The following PID1 variants were observed in gnomAD, a reference collection of about 807,000 sequenced individuals.
The protein encoded by PID1 is phosphotyrosine interaction domain containing 1.
PID1 carries 10 observed loss-of-function variants against 19.1 expected under a neutral mutation model. That is an observed-to-expected ratio of 0.52 (90% CI 0.32 to 0.89). The LOEUF (loss-of-function observed/expected upper bound fraction) is 0.89. PID1 is among the 40% of genes least tolerant of loss of function. The probability of loss-of-function intolerance (pLI) is 0.03; values close to 1 mark genes in which losing one functional copy is unlikely to be tolerated. For missense variants in PID1, 248 were observed against 285.3 expected (o/e 0.87, Z 0.94); for synonymous variants, 130 against 116.0 (o/e 1.12, Z -0.78).
chr2:229,106,020 AGT>A (rs1162895351), intron 2 of PID1, among the ~76,000 whole-genome samples: 1 of 147,766 alleles, frequency 6.8e-6, no homozygotes, highest in Non-Finnish European at 1.5e-5. Flanking sequence ...TGGAGCTTGC[AGT>A]GAGCTGAGAT....
At chr2:229,081,346 A>G (rs1694665520) in intron 2 of PID1, among the ~76,000 whole-genome samples, 1 of 152,242 alleles carries the variant, frequency 6.6e-6, no homozygotes, top group Non-Finnish European at 1.5e-5. Flanking sequence ...AAATATCTAA[A>G]GACATAATGA....
At chr2:229,059,955 T>A (rs772491504) in intron 2 of PID1, among the ~76,000 whole-genome samples, 2 of 152,116 alleles carry the variant, frequency 1.3e-5, no homozygotes, top group Non-Finnish European at 2.9e-5. Context: ...TCAGGTCCTA[T>A]TTTTTCCCAC....
intron 1 of PID1, among the ~76,000 whole-genome samples, chr2:229,185,046 G>C (rs372299758): frequency 1.2e-5 from 1 of 85,186 alleles, no homozygotes; most frequent in Non-Finnish European, 2.4e-5. Context: ...CTATATATAT[G>C]CTACATATAT....
intron 1 of PID1, among the ~76,000 whole-genome samples, chr2:229,228,734 G>GT (rs11436852): frequency 0.54 from 81,761 of 151,300 alleles, 22,688 homozygotes; most frequent in African/African-American, 0.63. Flanking sequence ...TAAACAAAAA[G>GT]GTATCTGCTA....
chr2:229,150,172 G>T (rs1690220422), intron 2 of PID1, among the ~76,000 whole-genome samples: 1 of 150,846 alleles, frequency 6.6e-6, no homozygotes, highest in Non-Finnish European at 1.5e-5. Flanking sequence ...AGGTGGAAAG[G>T]TTGCAGTGAG....
At chr2:229,227,039 CTT>C (rs1692092968) in intron 1 of PID1, among the ~76,000 whole-genome samples, 2 of 152,126 alleles carry the variant, frequency 1.3e-5, no homozygotes, top group Non-Finnish European at 2.9e-5. Flanking sequence ...TTCTGGTTGA[CTT>C]TGTGAAGAAA....
At chr2:229,170,209 T>G (rs971159805) in intron 1 of PID1, among the ~76,000 whole-genome samples, 1 of 151,938 alleles carries the variant, frequency 6.6e-6, no homozygotes, top group Non-Finnish European at 1.5e-5. Context: ...TAAATATGTG[T>G]GTGTATGTGT....
intron 2 of PID1, among the ~76,000 whole-genome samples, chr2:229,149,614 A>C (rs1374158437): frequency 6.6e-6 from 1 of 152,190 alleles, no homozygotes; most frequent in African/African-American, 2.4e-5. Context: ...GGAATCTCAA[A>C]AAAGGCAATA....
chr2:229,068,912 T>C (rs1237190760), intron 2 of PID1, among the ~76,000 whole-genome samples: 3 of 152,226 alleles, frequency 2.0e-5, no homozygotes, highest in South Asian at 2.1e-4. Context: ...GTAAACACTT[T>C]CCACGATGTG....
At chr2:229,111,635 T>C (rs1695300380) in intron 2 of PID1, among the ~76,000 whole-genome samples, 1 of 152,172 alleles carries the variant, frequency 6.6e-6, no homozygotes, top group African/African-American at 2.4e-5. Flanking sequence ...TACTTGTCTT[T>C]TTTTCTATAC....
chr2:229,061,580 A>G (rs4513279), intron 2 of PID1, among the ~76,000 whole-genome samples: 26,285 of 151,770 alleles, frequency 0.17, 4,591 homozygotes, highest in African/African-American at 0.44. Context: ...GATTGCTTTC[A>G]CTATTTGGGG....
chr2:229,093,194 A>C (rs2106220976), intron 2 of PID1, among the ~76,000 whole-genome samples: 1 of 147,130 alleles, frequency 6.8e-6, no homozygotes, highest in South Asian at 2.1e-4. Context: ...AAGCAGTGGC[A>C]CGATCTCAGC....
chr2:229,028,847 A>G (rs1406537691), intron 2 of PID1, among the ~76,000 whole-genome samples: 1 of 152,226 alleles, frequency 6.6e-6, no homozygotes, highest in Non-Finnish European at 1.5e-5. Flanking sequence ...AAACAATTTC[A>G]TACGAAGTTA....
At chr2:229,044,282 C>T (rs981366864) in intron 2 of PID1, among the ~76,000 whole-genome samples, 1 of 151,980 alleles carries the variant, frequency 6.6e-6, no homozygotes, top group Non-Finnish European at 1.5e-5. Flanking sequence ...GAAGATCTAC[C>T]AGGACTTAAA....
intron 1 of PID1, among the ~76,000 whole-genome samples, chr2:229,265,839 G>T (rs899190102): frequency 1.3e-5 from 2 of 152,142 alleles, no homozygotes. Context: ...GAGGGGTATT[G>T]GTATGGGAGG....
intron 2 of PID1, among the ~76,000 whole-genome samples, chr2:229,122,898 T>C (rs1695550244): frequency 6.6e-6 from 1 of 152,174 alleles, no homozygotes; most frequent in Non-Finnish European, 1.5e-5. Context: ...TGGAACCCGC[T>C]GTACAGCATT....
At chr2:229,260,502 A>ATG (rs554634848) in intron 1 of PID1, among the ~76,000 whole-genome samples, 12 of 150,436 alleles carry the variant, frequency 8.0e-5, no homozygotes, top group East Asian at 3.9e-4. Context: ...ATATATGTGC[A>ATG]TGTGTGTGTG....
At chr2:229,206,003 T>C (rs898521083) in intron 1 of PID1, among the ~76,000 whole-genome samples, 2 of 152,142 alleles carry the variant, frequency 1.3e-5, no homozygotes, top group Non-Finnish European at 2.9e-5. Context: ...GTGAGAAAAC[T>C]TGGAGAATGA....
Position 229,035,540 on chromosome 2 carries a change from G to A in PID1, c.178-9432C>T, listed in dbSNP as rs148099972. ...TGTGTGTGTGTGTGTGTGTGTGTGTGCACCAACCTAACACCACTCCTTTGT... is the reference window on the plus strand; with the variant it reads ...TGTGTGTGTGTGTGTGTGTGTGTGTACACCAACCTAACACCACTCCTTTGT... On this transcript the variant is annotated intron_variant, in intron 2 of 2. Coordinates refer to ENST00000392055, the MANE Select transcript of PID1 (RefSeq NM_001100818.2). 8.6e-3 allele frequency among the ~76,000 whole-genome samples: 1,226 copies of A among 143,062 alleles called. 15 individuals carry two copies. The highest frequency in any genetic ancestry group is 0.03 in the African/African-American group (1,139 of 37,808). 93.9% of individuals were successfully genotyped at this position (143,062 alleles called of 152,430 possible).
Sources: gnomAD v4.1 joint callset for allele counts (sites outside exome capture counted in the v4.1 genomes callset) on GRCh38, gnomAD v4.1.1 for gene constraint, MANE v1.5 for transcripts, NCBI Gene and HGNC (gene_info 2026-07-23, HGNC 2026-07-21) for gene names.